Variants in CERS6 observed in about 807,000 individuals in gnomAD.
CERS6 encodes the protein LAG1 homolog, ceramide synthase 6.
In CERS6, 26 loss-of-function variants were observed where a neutral mutation model predicts 56.8. The observed-to-expected ratio is 0.46, with a 90% confidence interval of 0.34 to 0.63. The LOEUF (loss-of-function observed/expected upper bound fraction) is 0.63. CERS6 is among the 30% of genes least tolerant of loss of function. CERS6 has a pLI of 0.01. For synonymous variants in CERS6, 164 were observed against 173.3 expected (o/e 0.95, Z 0.42); for missense variants, 415 against 467.5 (o/e 0.89, Z 1.04).
chr2:168,560,262 T>G (rs1043215417), intron 2 of CERS6, among the ~76,000 whole-genome samples: 14 of 151,948 alleles, frequency 9.2e-5, no homozygotes, highest in Non-Finnish European at 1.8e-4. Flanking sequence ...ATTTAGTACC[T>G]CCCCCGCTGG....
intron 3 of CERS6, among the ~76,000 whole-genome samples, chr2:168,616,223 C>G (rs1040598780): frequency 1.3e-5 from 2 of 152,036 alleles, no homozygotes; most frequent in African/African-American, 4.8e-5. Context: ...AAAAGGAGCT[C>G]TAAATTTTGA....
chr2:168,557,737 T>C (rs1311141531), intron 2 of CERS6, among the ~76,000 whole-genome samples: 1 of 152,188 alleles, frequency 6.6e-6, no homozygotes, highest in Non-Finnish European at 1.5e-5. Flanking sequence ...GCTTTGCTAA[T>C]TATGACTTCA....
chr2:168,485,551 A>G (rs970355517), intron 1 of CERS6, among the ~76,000 whole-genome samples: 1 of 152,044 alleles, frequency 6.6e-6, no homozygotes, highest in African/African-American at 2.4e-5. Context: ...TTTTTACCAT[A>G]TCTATGGTTT....
At chr2:168,620,178 A>G (rs1684435026) in intron 3 of CERS6, among the ~76,000 whole-genome samples, 1 of 151,996 alleles carries the variant, frequency 6.6e-6, no homozygotes, top group South Asian at 2.1e-4. Flanking sequence ...TAACTCAGGA[A>G]TGGAAAACCA....
chr2:168,459,934 G>A (rs550958793), intron 1 of CERS6, among the ~76,000 whole-genome samples: 105 of 152,272 alleles, frequency 6.9e-4, no homozygotes, highest in Non-Finnish European at 8.8e-4. Flanking sequence ...TGTTACAAAT[G>A]TTAACTTTAA....
At chr2:168,741,035 A>C (rs1466202836) in intron 8 of CERS6, among the ~76,000 whole-genome samples, 1 of 152,180 alleles carries the variant, frequency 6.6e-6, no homozygotes. Context: ...TTTTGACTTA[A>C]GTAACTCAGT....
At chr2:168,571,405 T>C (rs1695984174) in intron 3 of CERS6, among the ~76,000 whole-genome samples, 4 of 152,136 alleles carry the variant, frequency 2.6e-5, no homozygotes, top group African/African-American at 4.8e-5. Flanking sequence ...GCTCCTGATA[T>C]TCGAATATAA....
rs61031993 is a variant in CERS6, at chr2:168,559,733, T to TTTTATATATATA, written c.277-1459_277-1458insTTTATATATATA. ...TGCTTGAGCTGCTTTTAGAAAGGTA[T>TTTTATATATATA]CATATATATATATATATATATTTCA... is the stretch of plus-strand genomic sequence containing the variant. On this transcript the variant is annotated intron_variant, in intron 2 of 9. Coordinates refer to ENST00000305747, the MANE Select transcript of CERS6 (RefSeq NM_203463.3). 9.8e-4 allele frequency among the ~76,000 whole-genome samples: 65 copies of TTTTATATATATA among 66,266 alleles called. 5 individuals carry two copies. Among genetic ancestry groups the TTTTATATATATA allele is most frequent in the African/African-American group, 3.0e-3 (61 of 20,188 alleles). 43.5% of individuals were successfully genotyped at this position (66,266 alleles called of 152,430 possible).
At chr2:168,678,781 T>G (rs1258738371) in intron 4 of CERS6, among the ~76,000 whole-genome samples, 1 of 152,184 alleles carries the variant, frequency 6.6e-6, no homozygotes, top group Non-Finnish European at 1.5e-5. Context: ...ATTGACGTTT[T>G]CATAGGATTA....
At position 168,747,710 on chromosome 2, in the gene CERS6, T is replaced by G. The variant is rs186987547; in HGVS notation, c.846-17882T>G. Among the ~76,000 whole-genome samples, 215 of 152,316 alleles carry G rather than the reference T, an allele frequency of 1.4e-3. 1 individual carries two copies. The highest frequency in any genetic ancestry group is 0.01 in the Middle Eastern group (3 of 294). On this transcript the variant is annotated intron_variant, in intron 8 of 9. Transcript: ENST00000305747. Reference sequence around the variant, plus strand: ...TAGTTTAAATATTATCTCTTTTAATTATTAGTTTCAACATTTTCAAACCCA... The same window carrying G: ...TAGTTTAAATATTATCTCTTTTAATGATTAGTTTCAACATTTTCAAACCCA...
At chr2:168,752,303 GTGTGTGTGTGTGTGTA>G (rs1224430522) in intron 8 of CERS6, among the ~76,000 whole-genome samples, 22 of 150,696 alleles carry the variant, frequency 1.5e-4, no homozygotes, top group African/African-American at 4.2e-4. Context: ...GTGTGTGTGT[GTGTGTGTGTGTGTGTA>G]TAGAGAGAGA....
chr2:168,590,289 C>T (rs186101116), intron 3 of CERS6, among the ~76,000 whole-genome samples: 31 of 152,228 alleles, frequency 2.0e-4, no homozygotes, highest in Non-Finnish European at 3.4e-4. Flanking sequence ...GATCTTTTGG[C>T]CATTTTAAAC....
intron 3 of CERS6, among the ~76,000 whole-genome samples, chr2:168,614,251 CGT>C (rs912696056): frequency 2.9e-4 from 44 of 152,318 alleles, no homozygotes; most frequent in Middle Eastern, 3.4e-3. Context: ...TGCATACAAA[CGT>C]ATGTGTATAC....
At chr2:168,506,938 A>G (rs1245996259) in intron 1 of CERS6, among the ~76,000 whole-genome samples, 1 of 152,198 alleles carries the variant, frequency 6.6e-6, no homozygotes, top group Non-Finnish European at 1.5e-5. Context: ...TTTCAAAACG[A>G]TTTCAAACAC....
At chr2:168,557,595 G>A (rs1695707928) in intron 2 of CERS6, among the ~76,000 whole-genome samples, 1 of 152,108 alleles carries the variant, frequency 6.6e-6, no homozygotes, top group South Asian at 2.1e-4. Context: ...AACAAATAAA[G>A]TTAGATTCAT....
chr2:168,530,663 A>C (rs991118998), intron 1 of CERS6, among the ~76,000 whole-genome samples: 3 of 152,204 alleles, frequency 2.0e-5, no homozygotes, highest in African/African-American at 7.2e-5. Flanking sequence ...ACTCATAATG[A>C]AATATCTTAA....
intron 9 of CERS6, chr2:168,766,255 CT>C: frequency 6.7e-7 from 1 of 1,489,904 alleles, no homozygotes; most frequent in Non-Finnish European, 9.2e-7. Flanking sequence ...AGAGCAGAGA[CT>C]TTTCCAGATC....
intron 3 of CERS6, among the ~76,000 whole-genome samples, chr2:168,572,224 A>C (rs1696002376): frequency 6.6e-6 from 1 of 152,222 alleles, no homozygotes; most frequent in African/African-American, 2.4e-5. Flanking sequence ...AGTATATAAT[A>C]GGTTTTCTTG....
rs1424941659 is a variant in CERS6, at chr2:168,771,547, G to A, written c.*1885G>A. ...GAGTTTGTAAGAACAATCATAAAAG[G>A]ACTTGTTAGTCTCCAGAACATCTGC... On this transcript the variant is annotated 3_prime_UTR_variant, in exon 10 of 10. Coordinates refer to ENST00000305747, the MANE Select transcript of CERS6 (RefSeq NM_203463.3). The A allele has an allele frequency of 6.6e-6, 1 of 152,146 alleles. No individual in the cohort carries two copies. The highest frequency in any genetic ancestry group is 2.4e-5 in the African/African-American group (1 of 41,446). The allele number at this position is 152,146 out of a possible 1,614,324, so 9.4% of individuals were successfully genotyped here.
Sources: gnomAD v4.1 joint callset for allele counts (sites outside exome capture counted in the v4.1 genomes callset) on GRCh38, gnomAD v4.1.1 for gene constraint, MANE v1.5 for transcripts, NCBI Gene and HGNC (gene_info 2026-07-23, HGNC 2026-07-21) for gene names.